The following DAB1 variants were observed in gnomAD, a reference collection of about 807,000 sequenced individuals.
The protein encoded by DAB1 is disabled homolog 1.
In DAB1, 15 loss-of-function variants were observed where a neutral mutation model predicts 64.6. The observed-to-expected ratio is 0.23, with a 90% CI of 0.16 to 0.36. The LOEUF is 0.36. Ranked by LOEUF, DAB1 falls within the 10% of genes least tolerant of loss-of-function variation. The probability of loss-of-function intolerance (pLI) is 1.00; values close to 1 mark genes in which losing one functional copy is unlikely to be tolerated. For synonymous variants in DAB1, 235 were observed against 251.9 expected, an observed-to-expected ratio of 0.93 and a Z score of 0.64; for missense variants, 596 against 706.7, an observed-to-expected ratio of 0.84 and a Z score of 1.78.
intron 6 of DAB1, among the ~76,000 whole-genome samples, chr1:57,793,280 T>C (rs933958719): frequency 6.6e-6 from 1 of 152,226 alleles, no homozygotes. Flanking sequence ...TTCCTTTAAC[T>C]TGGATACTGG....
chr1:57,889,885 A>G (rs1644280387), intron 5 of DAB1, among the ~76,000 whole-genome samples: 1 of 82,084 alleles, frequency 1.2e-5, no homozygotes, highest in Admixed American at 1.9e-4. Flanking sequence ...CGCAGATGGT[A>G]GCACAAACTG....
chr1:58,240,363 G>A (rs1037778338), intron 4 of DAB1, among the ~76,000 whole-genome samples: 1 of 152,126 alleles, frequency 6.6e-6, no homozygotes, highest in Non-Finnish European at 1.5e-5. Context: ...TTGTCATCCA[G>A]TTAGAATAAG....
At chr1:57,678,960 A>G (rs1249509279) in intron 6 of DAB1, among the ~76,000 whole-genome samples, 1 of 150,738 alleles carries the variant, frequency 6.6e-6, no homozygotes, top group African/African-American at 2.4e-5. Flanking sequence ...TTTCGTAGAG[A>G]TGGGGTTTCA....
intron 7 of DAB1, among the ~76,000 whole-genome samples, chr1:57,604,881 T>G (rs908458403): frequency 6.6e-6 from 1 of 152,208 alleles, no homozygotes; most frequent in African/African-American, 2.4e-5. Context: ...ATATTTTCCT[T>G]GCTAGTTGTT....
intron 2 of DAB1, among the ~76,000 whole-genome samples, chr1:57,171,111 T>C (rs563028395): frequency 9.9e-5 from 15 of 152,188 alleles, no homozygotes; most frequent in Non-Finnish European, 2.1e-4. Context: ...AGAGTTGGAA[T>C]TTCTTTACAA....
chr1:58,292,368 T>C (rs1028257082), intron 4 of DAB1, among the ~76,000 whole-genome samples: 2 of 152,144 alleles, frequency 1.3e-5, no homozygotes, highest in Admixed American at 1.3e-4. Flanking sequence ...AAAAAAAGTA[T>C]CATCAAAACT....
chr1:58,004,023 T>C (rs1172241914), intron 5 of DAB1, among the ~76,000 whole-genome samples: 1 of 152,160 alleles, frequency 6.6e-6, no homozygotes, highest in Non-Finnish European at 1.5e-5. Context: ...GGAACTCTGC[T>C]TTTGAGGCTG....
intron 7 of DAB1, among the ~76,000 whole-genome samples, chr1:57,534,110 A>T (rs1644697513): frequency 1.3e-5 from 2 of 152,160 alleles, no homozygotes; most frequent in Admixed American, 6.6e-5. Context: ...TCATTCTGCA[A>T]TAATGTCCAG....
chr1:58,222,005 A>G (rs922786461), intron 4 of DAB1, among the ~76,000 whole-genome samples: 2 of 152,232 alleles, frequency 1.3e-5, no homozygotes, highest in African/African-American at 4.8e-5. Flanking sequence ...TGAAGAAGCC[A>G]TATCTGGAAA....
intron 6 of DAB1, among the ~76,000 whole-genome samples, chr1:57,732,096 G>A (rs910897152): frequency 1.3e-5 from 2 of 152,114 alleles, no homozygotes; most frequent in African/African-American, 4.8e-5. Flanking sequence ...GCAGAATAAA[G>A]GCACACATAA....
intron 7 of DAB1, among the ~76,000 whole-genome samples, chr1:57,613,811 C>T (rs549218942): frequency 4.6e-5 from 7 of 152,220 alleles, no homozygotes; most frequent in African/African-American, 9.6e-5. Flanking sequence ...AAAGGCACAA[C>T]GGCCTTGGAG....
chr1:58,199,347 T>G (rs1162376838), intron 4 of DAB1, among the ~76,000 whole-genome samples: 1 of 152,208 alleles, frequency 6.6e-6, no homozygotes, highest in Non-Finnish European at 1.5e-5. Context: ...GAGCTCTAGT[T>G]TATATATTCC....
intron 6 of DAB1, among the ~76,000 whole-genome samples, chr1:57,723,582 C>T (rs1647174830): frequency 6.6e-6 from 1 of 152,238 alleles, no homozygotes; most frequent in Admixed American, 6.5e-5. Flanking sequence ...GAATTCTCTG[C>T]ATTCACAGAC....
chr1:57,515,457 T>C (rs1644453029), intron 7 of DAB1, among the ~76,000 whole-genome samples: 2 of 152,202 alleles, frequency 1.3e-5, no homozygotes, highest in Non-Finnish European at 2.9e-5. Context: ...AGCAAGGTAT[T>C]TATTTGTATC....
intron 2 of DAB1, among the ~76,000 whole-genome samples, chr1:57,289,549 C>T (rs560032691): frequency 6.6e-6 from 1 of 152,254 alleles, no homozygotes; most frequent in East Asian, 1.9e-4. Context: ...ATTTGTGTTT[C>T]AAATAAACAT....
intron 6 of DAB1, among the ~76,000 whole-genome samples, chr1:57,688,042 C>T (rs139561276): frequency 2.6e-4 from 39 of 152,092 alleles, no homozygotes; most frequent in African/African-American, 6.7e-4. Flanking sequence ...GCAATTGCAA[C>T]GAAACCAAAA....
At chr1:58,241,125 T>C (rs1660274697) in intron 4 of DAB1, among the ~76,000 whole-genome samples, 1 of 152,196 alleles carries the variant, frequency 6.6e-6, no homozygotes, top group Non-Finnish European at 1.5e-5. Flanking sequence ...AGAATATTCT[T>C]GATATAGCTC....
At position 57,109,595 on chromosome 1, in the gene DAB1, C is replaced by A. The variant is rs202038138; in HGVS notation, c.306+26948G>T. ...TTTTCCTCAACACTGCAATTATTAC[C>A]ACAATTTTATGAATATAGTTTGTAA... On this transcript the variant is annotated intron_variant, in intron 4 of 14. Coordinates refer to ENST00000371236, the MANE Select transcript of DAB1 (RefSeq NM_001365792.1). 6.2e-3 allele frequency among the ~76,000 whole-genome samples: 827 copies of A among 132,814 alleles called. 9 individuals are homozygous for A. The highest frequency in any genetic ancestry group is 0.022 in the African/African-American group (793 of 36,316). The allele number at this position is 132,814 out of a possible 152,430, so 87.1% of individuals were successfully genotyped here.
intron 7 of DAB1, among the ~76,000 whole-genome samples, chr1:57,574,489 A>G (rs1336683494): frequency 6.6e-6 from 1 of 152,212 alleles, no homozygotes; most frequent in African/African-American, 2.4e-5. Context: ...TTAGAAGAGA[A>G]AAGTAACTTC....
Sources: gnomAD v4.1 joint callset for allele counts (sites outside exome capture counted in the v4.1 genomes callset) on GRCh38, gnomAD v4.1.1 for gene constraint, MANE v1.5 for transcripts, NCBI Gene and HGNC (gene_info 2026-07-23, HGNC 2026-07-21) for gene names.